The following RGS5 variants were observed in gnomAD, a reference collection of about 807,000 sequenced individuals.
RGS5 encodes the protein regulator of G protein signaling 5.
A neutral mutation model predicts 18.9 loss-of-function variants in RGS5; 20 were observed. The observed-to-expected ratio is 1.06, with a 90% CI of 0.74 to 1.54. The LOEUF (loss-of-function observed/expected upper bound fraction) is 1.54. Among genes scored for constraint, RGS5 ranks in the 40% most tolerant of loss-of-function variants. The pLI, the probability that RGS5 is intolerant of heterozygous loss-of-function variation, is 0.00. For synonymous variants in RGS5, 57 were observed against 76.2 expected (o/e 0.75, Z 1.31); for missense variants, 201 against 211.8 (o/e 0.95, Z 0.32).
intron 2 of RGS5, among the ~76,000 whole-genome samples, chr1:163,261,930 C>T (rs1648448384): frequency 6.6e-6 from 1 of 152,090 alleles, no homozygotes; most frequent in South Asian, 2.1e-4. Context: ...TCTCCTCCCT[C>T]CTCAAGGTGG....
chr1:163,234,824 C>T (rs12756747), intron 2 of RGS5, among the ~76,000 whole-genome samples: 22,286 of 152,152 alleles, frequency 0.15, 1,956 homozygotes, highest in Non-Finnish European at 0.19. Context: ...AGCTGTGAAC[C>T]CCAAGATGGT....
intron 1 of RGS5, chr1:163,318,929 CAATT>C (rs1167328975): frequency 6.6e-5 from 10 of 152,110 alleles, no homozygotes; most frequent in Non-Finnish European, 1.5e-5. Context: ...TTAATTTTCT[CAATT>C]AACTGGGAAA....
At chr1:163,247,074 C>T (rs979390037) in intron 2 of RGS5, among the ~76,000 whole-genome samples, 1 of 152,050 alleles carries the variant, frequency 6.6e-6, no homozygotes, top group Admixed American at 6.6e-5. Context: ...GACACCAGGG[C>T]CTACTAGAGG....
intron 1 of RGS5, among the ~76,000 whole-genome samples, chr1:163,314,554 C>T (rs866646568): frequency 3.4e-4 from 51 of 150,992 alleles, no homozygotes; most frequent in African/African-American, 1.2e-3. Flanking sequence ...AAAACAACAA[C>T]AACAACAACA....
intron 2 of RGS5, among the ~76,000 whole-genome samples, chr1:163,255,867 A>C (rs1251152775): frequency 6.6e-6 from 1 of 152,150 alleles, no homozygotes; most frequent in Non-Finnish European, 1.5e-5. Flanking sequence ...AAACCACATG[A>C]TATCTCAATA....
At chr1:163,233,503 T>C (rs1428442547) in intron 2 of RGS5, among the ~76,000 whole-genome samples, 5 of 152,230 alleles carry the variant, frequency 3.3e-5, no homozygotes, top group African/African-American at 1.2e-4. Flanking sequence ...TTAAAATAAA[T>C]ACTTAAATCA....
chr1:163,269,015 C>G (rs1200483022), intron 2 of RGS5, among the ~76,000 whole-genome samples: 1 of 152,136 alleles, frequency 6.6e-6, no homozygotes, highest in East Asian at 1.9e-4. Flanking sequence ...ATGCTGTCGA[C>G]TACTCCCATG....
At chr1:163,229,750 T>C (rs1371153223) in intron 2 of RGS5, among the ~76,000 whole-genome samples, 1 of 152,200 alleles carries the variant, frequency 6.6e-6, no homozygotes, top group African/African-American at 2.4e-5. Flanking sequence ...CAGTGAGACT[T>C]TTCCTATGGT....
chr1:163,260,701 T>C (rs1648412184), intron 2 of RGS5: 1 of 152,000 alleles, frequency 6.6e-6, no homozygotes, highest in Admixed American at 6.6e-5. Context: ...GTGAACACTC[T>C]AGATATTCCA....
rs547302097 is a variant in RGS5 at position 163,152,732 on chromosome 1, C to A, written c.218-16G>T. ...GCAAGTCCATCTGGAAAGAAAAAAA[C>A]AGTCAGCTGGAGAAATTTATTAATT... On this transcript the variant is annotated splice_polypyrimidine_tract_variant and intron_variant, in intron 3 of 4. Coordinates refer to ENST00000313961, the MANE Select transcript of RGS5 (RefSeq NM_003617.4). 1.9e-6 allele frequency: 3 copies of A among 1,564,368 alleles called. No individual in the cohort carries two copies. Among genetic ancestry groups the A allele is most frequent in the South Asian group, 2.5e-5 (2 of 81,046 alleles).
intron 3 of RGS5, among the ~76,000 whole-genome samples, chr1:163,154,898 T>C (rs1271828956): frequency 2.7e-5 from 4 of 149,792 alleles, no homozygotes; most frequent in Non-Finnish European, 1.5e-5. Context: ...CTATTATATA[T>C]AGATATAGTT....
chr1:163,232,853 T>G (rs1647517147), intron 2 of RGS5, among the ~76,000 whole-genome samples: 1 of 152,210 alleles, frequency 6.6e-6, no homozygotes, highest in Admixed American at 6.5e-5. Context: ...AAGTACAGCA[T>G]AGACCCAAAT....
chr1:163,321,412 C>A (rs1650205084), intron 1 of RGS5: 2 of 152,158 alleles, frequency 1.3e-5, no homozygotes, highest in Non-Finnish European at 2.9e-5. Context: ...GTGTTCATAT[C>A]CCAGCTATGC....
At chr1:163,215,393 A>C (rs1258809881) in intron 1 of RGS5, among the ~76,000 whole-genome samples, 1 of 152,176 alleles carries the variant, frequency 6.6e-6, no homozygotes. Flanking sequence ...TAGTTAATAG[A>C]TGTAGCTACA....
chr1:163,201,795 T>C (rs1659778462), intron 1 of RGS5, among the ~76,000 whole-genome samples: 1 of 152,140 alleles, frequency 6.6e-6, no homozygotes, highest in South Asian at 2.1e-4. Context: ...AACAATAAAA[T>C]CTTCCGAGAC....
In RGS5 at chr1:163,144,234, G is replaced by A. The variant is rs563281927; in HGVS notation, c.*3108C>T. ...AAAAGTGTGTGTGTGTATGTGTGGC[G>A]GGGAAGATGGAAGATTATTCACATG... On this transcript the variant is annotated 3_prime_UTR_variant, in exon 5 of 5. Transcript: ENST00000313961. 2.6e-5 allele frequency: 4 copies of A among 152,202 alleles called. No homozygotes were observed. The highest frequency in any genetic ancestry group is 1.9e-4 in the East Asian group (1 of 5,176). 9.4% of individuals were successfully genotyped at this position (152,202 alleles called of 1,614,324 possible).
At chr1:163,240,187 T>C (rs887495512) in intron 2 of RGS5, among the ~76,000 whole-genome samples, 25 of 151,866 alleles carry the variant, frequency 1.6e-4, no homozygotes, top group African/African-American at 6.0e-4. Context: ...TTCATTATAG[T>C]CAGAAATTAG....
chr1:163,188,951 CAAAA>C (rs34767004), intron 1 of RGS5, among the ~76,000 whole-genome samples: 25 of 77,638 alleles, frequency 3.2e-4, no homozygotes, highest in African/African-American at 9.8e-4. Context: ...GACCCCATCT[CAAAA>C]AAAAAAAAAA....
intron 2 of RGS5, among the ~76,000 whole-genome samples, chr1:163,288,142 T>G (rs1163970457): frequency 6.6e-6 from 1 of 152,140 alleles, no homozygotes; most frequent in Non-Finnish European, 1.5e-5. Context: ...TTCACTTTTT[T>G]TTTTTTCAGG....
Sources: gnomAD v4.1 joint callset for allele counts (sites outside exome capture counted in the v4.1 genomes callset) on GRCh38, gnomAD v4.1.1 for gene constraint, MANE v1.5 for transcripts, NCBI Gene and HGNC (gene_info 2026-07-23, HGNC 2026-07-21) for gene names.